Variants in ATP2B1 observed in about 807,000 individuals in gnomAD.
ATP2B1 encodes plasma membrane calcium-transporting ATPase 1.
ATP2B1 carries 14 observed loss-of-function variants against 124.2 expected under a neutral mutation model. The observed-to-expected ratio is 0.11, with a 90% CI of 0.07 to 0.18. The LOEUF (loss-of-function observed/expected upper bound fraction) is 0.18. Among genes scored for constraint, ATP2B1 ranks in the 10% least tolerant of loss-of-function variants. The pLI, the probability that ATP2B1 is intolerant of heterozygous loss-of-function variation, is 1.00. For synonymous variants in ATP2B1, 449 were observed against 492.4 expected (o/e 0.91, Z 1.17); for missense variants, 763 against 1,466.1 (o/e 0.52, Z 7.83).
At chr12:89,636,888 T>C (rs1356820) in intron 3 of ATP2B1, among the ~76,000 whole-genome samples, 144,929 of 152,264 alleles carry the variant, frequency 0.95, 69,048 homozygotes, top group East Asian at 0.99. Context: ...TCATTGTGTA[T>C]AATAACCAGT....
intron 1 of ATP2B1, among the ~76,000 whole-genome samples, chr12:89,693,784 A>G (rs933285728): frequency 9.9e-5 from 15 of 152,216 alleles, no homozygotes; most frequent in Non-Finnish European, 2.1e-4. Context: ...GTAAACACCT[A>G]AAGTGGAGTA....
At chr12:89,606,716 G>A (rs1450951583) in intron 15 of ATP2B1, among the ~76,000 whole-genome samples, 1 of 151,680 alleles carries the variant, frequency 6.6e-6, no homozygotes, top group African/African-American at 2.4e-5. Flanking sequence ...TAAGATTACA[G>A]TCACACATCA....
intron 2 of ATP2B1, among the ~76,000 whole-genome samples, chr12:89,649,082 C>G (rs1589289): frequency 0.1 from 15,844 of 152,338 alleles, 1,131 homozygotes; most frequent in Non-Finnish European, 0.15. Context: ...AGGGGCAGAG[C>G]CCCCATAGTG....
chr12:89,626,303 C>T, intron 8 of ATP2B1, 151 bp downstream of exon 8: 2 of 836,036 alleles, frequency 2.4e-6, no homozygotes, highest in Non-Finnish European at 3.6e-6. Context: ...ACTCAAAGGG[C>T]CTGGTGCATT....
At chr12:89,627,203 T>C (rs1177506077) in intron 7 of ATP2B1, among the ~76,000 whole-genome samples, 1 of 151,954 alleles carries the variant, frequency 6.6e-6, no homozygotes, top group African/African-American at 2.4e-5. Context: ...AAGTGGAAAA[T>C]TCCACACCTG....
intron 1 of ATP2B1, among the ~76,000 whole-genome samples, chr12:89,679,757 C>CA (rs967672247): frequency 6.6e-6 from 1 of 152,068 alleles, no homozygotes; most frequent in African/African-American, 2.4e-5. Context: ...GAAGTACAGA[C>CA]AAAATCACCC....
In ATP2B1 at chr12:89,591,025, A is replaced by C. The variant is rs748973397; in HGVS notation, c.3622T>G (p.Ser1208Ala). ...IEMNKSATSS[S>A]PGSPLHSLET... is the part of the protein sequence containing the mutation. ...AAACTATGTAGTGGGCTTCCTGGGG[A>C]TGAAGAGGTAGCAGACTTGTTCATT... The change falls in exon 21 of 21, where the codon TCC becomes GCC. Residue 1208 changes from serine (S) to alanine (A), a missense_variant. Ser to Ala is a moderately conservative substitution (Grantham distance 99). This residue lies in a region of ATP2B1 where 97 missense variants were observed against 94.7 expected (regional missense o/e 1.02). Coordinates refer to ENST00000428670, the MANE Select transcript of ATP2B1 (RefSeq NM_001366521.1). 1 of 1,613,044 alleles carries C rather than the reference A, an allele frequency of 6.2e-7. No individual in the cohort carries two copies. Among genetic ancestry groups the C allele is most frequent in the Non-Finnish European group, 8.5e-7 (1 of 1,179,234 alleles).
At chr12:89,618,924 T>A (rs1302048083) in intron 11 of ATP2B1, among the ~76,000 whole-genome samples, 2 of 152,236 alleles carry the variant, frequency 1.3e-5, no homozygotes, top group African/African-American at 4.8e-5. Context: ...TACTTTAATA[T>A]TTTAAATATT....
intron 1 of ATP2B1, among the ~76,000 whole-genome samples, chr12:89,708,053 C>A (rs1276103565): frequency 6.6e-6 from 1 of 152,200 alleles, no homozygotes; most frequent in Non-Finnish European, 1.5e-5. Flanking sequence ...GAGGAATCAC[C>A]GTCCTGACAC....
chr12:89,692,971 T>C (rs934945979), intron 1 of ATP2B1, among the ~76,000 whole-genome samples: 10 of 152,222 alleles, frequency 6.6e-5, no homozygotes, highest in African/African-American at 1.2e-4. Context: ...CAAGAACCTA[T>C]TGGCCACACT....
intron 1 of ATP2B1, among the ~76,000 whole-genome samples, chr12:89,662,906 G>C (rs1251879299): frequency 6.6e-6 from 1 of 151,976 alleles, no homozygotes; most frequent in African/African-American, 2.4e-5. Flanking sequence ...CTCAGGGTGG[G>C]AAACAACTAG....
At chr12:89,653,330 C>T (rs1180999667) in intron 2 of ATP2B1, among the ~76,000 whole-genome samples, 21 of 138,508 alleles carry the variant, frequency 1.5e-4, no homozygotes, top group Non-Finnish European at 2.9e-4. Flanking sequence ...CGCTCTGTCG[C>T]CCAGGCCGGA....
At chr12:89,598,606 A>C in intron 20 of ATP2B1, 1 of 1,613,852 alleles carries the variant, frequency 6.2e-7, no homozygotes, top group South Asian at 1.1e-5. Flanking sequence ...CAGTAGTAGA[A>C]GCAGTAGAAG....
chr12:89,647,007 G>A (rs1165949373), intron 2 of ATP2B1, among the ~76,000 whole-genome samples: 1 of 152,228 alleles, frequency 6.6e-6, no homozygotes, highest in East Asian at 1.9e-4. Flanking sequence ...TACAGATGCA[G>A]GAGGAGGCTT....
chr12:89,600,166 A>G (rs548122437), intron 19 of ATP2B1, among the ~76,000 whole-genome samples: 316 of 152,346 alleles, frequency 2.1e-3, no homozygotes, highest in Admixed American at 4.4e-3. Flanking sequence ...CTCAAAATAG[A>G]TAAGAAACCT....
At chr12:89,608,527 A>G (rs553789370) in intron 15 of ATP2B1, among the ~76,000 whole-genome samples, 352 of 151,892 alleles carry the variant, frequency 2.3e-3, no homozygotes, top group African/African-American at 8.4e-3. Flanking sequence ...AAAAAAAAAA[A>G]GTGGTATAAC....
At chr12:89,615,779 T>C (rs185434434) in intron 12 of ATP2B1, among the ~76,000 whole-genome samples, 1 of 152,338 alleles carries the variant, frequency 6.6e-6, no homozygotes, top group East Asian at 1.9e-4. Flanking sequence ...TTTAAGCACA[T>C]GTGTTTTAGA....
At position 89,589,008 on chromosome 12, in the gene ATP2B1, T is replaced by A. The variant is rs949971862; in HGVS notation, c.*1976A>T. On this transcript the variant is annotated 3_prime_UTR_variant, in exon 21 of 21. Transcript: ENST00000428670. ...CCAAGACTAGAAACCAGGTCTTGAC[T>A]CCTAGTCTAATATGCTTTCCAGCAT... 7.9e-5 allele frequency: 12 copies of A among 152,588 alleles called. No homozygotes were observed. Among genetic ancestry groups the A allele is most frequent in the African/African-American group, 2.4e-4 (10 of 41,446 alleles). The allele number at this position is 152,588 out of a possible 1,614,324, so 9.5% of individuals were successfully genotyped here.
In ATP2B1 at chr12:89,596,037, G is replaced by A. The variant is rs889122913; in HGVS notation, c.3351+3080C>T. Among the ~76,000 whole-genome samples the A allele has an allele frequency of 7.2e-5, 11 of 151,996 alleles. 1 individual carries two copies. The highest frequency in any genetic ancestry group is 1.4e-4 in the African/African-American group (6 of 41,400). ...CTGGGATGGAAAAAAAGATGCCTGG[G>A]TGCAGAGGTGTGTGCATATATGTGT... On this transcript the variant is annotated intron_variant, in intron 20 of 20. Transcript: ENST00000428670.
Sources: allele counts gnomAD v4.1 joint callset (sites outside exome capture counted in the v4.1 genomes callset), GRCh38; gene constraint gnomAD v4.1.1; regional missense constraint gnomAD v4.1.1; transcripts MANE v1.5; gene names NCBI Gene and HGNC (gene_info 2026-07-23, HGNC 2026-07-21).